Variants in APP observed in about 807,000 individuals in gnomAD.
APP encodes the protein amyloid-beta precursor protein.
Under a neutral mutation model 101.4 loss-of-function variants are expected in APP, and 31 were observed. The observed-to-expected ratio is 0.31, with a 90% CI of 0.23 to 0.41. APP has a LOEUF of 0.41. Ranked by LOEUF, APP falls within the 10% of genes least tolerant of loss-of-function variation. The pLI is 1.00. For missense variants in APP, 839 were observed against 1,003.7 expected, an observed-to-expected ratio of 0.84 and a Z score of 2.22; for synonymous variants, 366 against 364.4, an observed-to-expected ratio of 1.00 and a Z score of -0.05.
At chr21:26,135,982 A>C (rs2062889523) in intron 1 of APP, among the ~76,000 whole-genome samples, 1 of 151,604 alleles carries the variant, frequency 6.6e-6, no homozygotes, top group African/African-American at 2.4e-5. Context: ...AAATACAAAA[A>C]TTAGCCAGGC....
At chr21:26,170,819 C>T (rs761755102), upstream of APP, 220 of 527,470 alleles carry the variant, frequency 4.2e-4, no homozygotes, top group Non-Finnish European at 6.6e-4. Context: ...GTCAGCTGAT[C>T]CGGCCCACCC....
At chr21:26,017,198 C>CAA (rs35206910) in intron 6 of APP, among the ~76,000 whole-genome samples, 32 of 56,366 alleles carry the variant, frequency 5.7e-4, no homozygotes, top group East Asian at 3.6e-3. Flanking sequence ...GACTGTATCT[C>CAA]AAAAAAAAAA....
intron 1 of APP, among the ~76,000 whole-genome samples, chr21:26,114,349 C>T (rs1042587671): frequency 1.3e-5 from 2 of 152,088 alleles, no homozygotes; most frequent in African/African-American, 2.4e-5. Context: ...ATTCATGGAC[C>T]CTGGGAAACT....
chr21:25,981,706 A>G (rs77853974), intron 9 of APP, among the ~76,000 whole-genome samples: 35,719 of 149,148 alleles, frequency 0.24, 4,844 homozygotes, highest in East Asian at 0.43. Flanking sequence ...ACCAAACCAA[A>G]ACAGGTTTTT....
intron 13 of APP, among the ~76,000 whole-genome samples, chr21:25,915,155 C>T (rs1378908212): frequency 6.6e-6 from 1 of 152,236 alleles, no homozygotes; most frequent in Admixed American, 6.5e-5. Flanking sequence ...CTCCAGCTGT[C>T]TACACCACAC....
chr21:25,982,320 G>A (rs777627075), intron 9 of APP, 24 bp downstream of exon 9: 20 of 1,613,128 alleles, frequency 1.2e-5, no homozygotes, highest in Non-Finnish European at 8.5e-7. Flanking sequence ...TCGTAGGGCT[G>A]AATGATGGAA....
At chr21:26,004,701 G>A (rs577970241) in intron 6 of APP, among the ~76,000 whole-genome samples, 12 of 151,932 alleles carry the variant, frequency 7.9e-5, no homozygotes, top group African/African-American at 2.4e-5. Context: ...TGTGCACAAC[G>A]TGCAGGTTTG....
chr21:26,051,672 A>G (rs748962552), intron 4 of APP, among the ~76,000 whole-genome samples: 3 of 152,208 alleles, frequency 2.0e-5, no homozygotes, highest in Non-Finnish European at 4.4e-5. Flanking sequence ...CAGAGTAACA[A>G]TCCTGGGAAG....
intron 6 of APP, among the ~76,000 whole-genome samples, chr21:26,005,696 C>G (rs572166171): frequency 6.6e-6 from 1 of 152,306 alleles, no homozygotes; most frequent in Admixed American, 6.5e-5. Context: ...AGAGAGAGTT[C>G]AAATGCTTAT....
chr21:25,955,562 C>T, intron 12 of APP, 65 bp downstream of exon 12: 1 of 1,612,216 alleles, frequency 6.2e-7, no homozygotes, highest in Non-Finnish European at 8.5e-7. Flanking sequence ...GATCCTGTCA[C>T]CAACCCAAGA....
At chr21:26,110,930 A>C (rs2062304357) in intron 2 of APP, among the ~76,000 whole-genome samples, 1 of 152,070 alleles carries the variant, frequency 6.6e-6, no homozygotes, top group African/African-American at 2.4e-5. Flanking sequence ...TAACTATCTA[A>C]GAAGTGTGAG....
At chr21:26,019,307 G>A (rs2044232482) in intron 6 of APP, among the ~76,000 whole-genome samples, 1 of 152,176 alleles carries the variant, frequency 6.6e-6, no homozygotes, top group Non-Finnish European at 1.5e-5. Context: ...GACCAATCCT[G>A]TCTCCTAAAT....
intron 8 of APP, among the ~76,000 whole-genome samples, chr21:25,987,331 C>CA (rs1172817780): frequency 1.3e-5 from 2 of 152,162 alleles, no homozygotes; most frequent in Non-Finnish European, 1.5e-5. Context: ...CCCCCCTCCA[C>CA]AAAAACCTAG....
chr21:25,912,718 G>A (rs1386460668), intron 13 of APP, among the ~76,000 whole-genome samples: 1 of 150,476 alleles, frequency 6.6e-6, no homozygotes, highest in Non-Finnish European at 1.5e-5. Context: ...AAAGAATGCT[G>A]TCAGTGCCGC....
chr21:26,143,131 A>G (rs1471510003), intron 1 of APP, among the ~76,000 whole-genome samples: 1 of 152,368 alleles, frequency 6.6e-6, no homozygotes, highest in East Asian at 1.9e-4. Flanking sequence ...AAATGCTTCA[A>G]GTTAAACACT....
At chr21:26,117,589 C>A (rs1402630880) in intron 1 of APP, among the ~76,000 whole-genome samples, 3 of 152,162 alleles carry the variant, frequency 2.0e-5, no homozygotes, top group Admixed American at 1.3e-4. Flanking sequence ...GGGAATTCAA[C>A]CTATTCCGTC....
At chr21:26,065,913 A>G (rs2046436360) in intron 3 of APP, among the ~76,000 whole-genome samples, 1 of 152,156 alleles carries the variant, frequency 6.6e-6, no homozygotes, top group Non-Finnish European at 1.5e-5. Context: ...GGGTTTTCAA[A>G]CTCAAACCAT....
intron 1 of APP, among the ~76,000 whole-genome samples, chr21:26,124,627 A>C (rs2062643759): frequency 2.0e-5 from 3 of 152,254 alleles, no homozygotes; most frequent in Admixed American, 2.0e-4. Flanking sequence ...CAGAGATTTC[A>C]GTGTAACCTA....
At chr21:26,086,173 T>C (rs148270569) in intron 3 of APP, among the ~76,000 whole-genome samples, 176 of 152,306 alleles carry the variant, frequency 1.2e-3, no homozygotes, top group South Asian at 1.9e-3. Context: ...GTAACAGTAA[T>C]GATGTGCTTG....
Sources: allele counts gnomAD v4.1 joint callset (sites outside exome capture counted in the v4.1 genomes callset), GRCh38; gene constraint gnomAD v4.1.1; transcripts MANE v1.5; gene names NCBI Gene and HGNC (gene_info 2026-07-23, HGNC 2026-07-21).